The following KCNK2 variants were observed in gnomAD, a reference collection of about 807,000 sequenced individuals.
The protein encoded by KCNK2 is potassium channel subfamily K member 2.
In KCNK2, 21 loss-of-function variants were observed where a neutral mutation model predicts 40.5. The observed-to-expected ratio is 0.52, with a 90% CI of 0.37 to 0.75. The LOEUF (loss-of-function observed/expected upper bound fraction) is 0.75, where lower values mean the gene tolerates loss of function less well. KCNK2 is among the 30% of genes least tolerant of loss of function. The pLI, the probability that KCNK2 is intolerant of heterozygous loss-of-function variation, is 0.00. For missense variants in KCNK2, 399 were observed against 531.6 expected (o/e 0.75, Z 2.45); for synonymous variants, 191 against 202.2 (o/e 0.94, Z 0.47).
intron 1 of KCNK2, among the ~76,000 whole-genome samples, chr1:215,060,930 A>C (rs1396299956): frequency 6.6e-6 from 1 of 152,162 alleles, no homozygotes; most frequent in African/African-American, 2.4e-5. Flanking sequence ...TTTCTAAGTA[A>C]GTTTTCTGAT....
At chr1:215,142,926 T>A (rs1461448866) in intron 3 of KCNK2, among the ~76,000 whole-genome samples, 1 of 152,124 alleles carries the variant, frequency 6.6e-6, no homozygotes, top group Non-Finnish European at 1.5e-5. Context: ...TCTGAGGTAG[T>A]CATCATAGCT....
At chr1:215,013,426 T>G (rs1221310343) in intron 1 of KCNK2, among the ~76,000 whole-genome samples, 1 of 152,198 alleles carries the variant, frequency 6.6e-6, no homozygotes, top group Non-Finnish European at 1.5e-5. Flanking sequence ...AGGTCATTTA[T>G]CTTTCCACAC....
intron 5 of KCNK2, among the ~76,000 whole-genome samples, chr1:215,177,673 G>C (rs1558126523): frequency 6.9e-6 from 1 of 145,212 alleles, no homozygotes; most frequent in African/African-American, 2.5e-5. Flanking sequence ...TAGGTGTGTG[G>C]TTTATTTCTG....
At chr1:215,081,436 T>C (rs1212885768), upstream of KCNK2, among the ~76,000 whole-genome samples, 5 of 152,028 alleles carry the variant, frequency 3.3e-5, no homozygotes, top group Non-Finnish European at 7.4e-5. Flanking sequence ...AGCACATAAG[T>C]TGAGAAAAAT....
chr1:215,218,243 T>C (rs1403739973), intron 6 of KCNK2, among the ~76,000 whole-genome samples: 3 of 152,180 alleles, frequency 2.0e-5, no homozygotes, highest in Non-Finnish European at 4.4e-5. Flanking sequence ...GAGTGGATAT[T>C]GACCTACAGC....
At chr1:215,114,571 A>G (rs1224221976) in intron 2 of KCNK2, among the ~76,000 whole-genome samples, 3 of 152,172 alleles carry the variant, frequency 2.0e-5, no homozygotes, top group Non-Finnish European at 2.9e-5. Flanking sequence ...GGCGGGGGAA[A>G]CTTGGAAAAA....
Position 215,163,018 on chromosome 1 carries a change from C to A in KCNK2, c.476-6181C>A, listed in dbSNP as rs549297714. On this transcript the variant is annotated intron_variant, in intron 3 of 6. Coordinates refer to ENST00000444842, the MANE Select transcript of KCNK2 (RefSeq NM_001017425.3). ...CATTGAATCTATAAATTACTTTGGG[C>A]AGTATGGCCATTTTCACAATATTGA... 4.6e-5 allele frequency among the ~76,000 whole-genome samples: 7 copies of A among 152,186 alleles called. No individual in the cohort carries two copies. In the East Asian group the frequency reaches 1.2e-3, roughly 25 times the overall value.
At chr1:215,209,484 A>ATC (rs1558140327) in intron 6 of KCNK2, among the ~76,000 whole-genome samples, 1 of 35,258 alleles carries the variant, frequency 2.8e-5, no homozygotes, top group African/African-American at 1.1e-4. Context: ...TATTATATAT[A>ATC]ATACATATAT....
intron 6 of KCNK2, among the ~76,000 whole-genome samples, chr1:215,221,353 A>AAC (rs1247963827): frequency 6.6e-6 from 1 of 152,154 alleles, no homozygotes; most frequent in Admixed American, 6.5e-5. Flanking sequence ...CAGCCTGGGC[A>AAC]ACAGAGTGAG....
At chr1:215,181,626 G>A (rs1340380104) in intron 5 of KCNK2, among the ~76,000 whole-genome samples, 1 of 152,112 alleles carries the variant, frequency 6.6e-6, no homozygotes, top group African/African-American at 2.4e-5. Flanking sequence ...ATACTGGGCA[G>A]GGTATTTTGA....
chr1:215,185,165 A>G (rs1664384161), intron 5 of KCNK2, among the ~76,000 whole-genome samples: 1 of 152,180 alleles, frequency 6.6e-6, no homozygotes, highest in African/African-American at 2.4e-5. Flanking sequence ...AAATAATACA[A>G]ACTTATAGAA....
At chr1:215,044,827 GC>G (rs1657698259) in intron 1 of KCNK2, among the ~76,000 whole-genome samples, 2 of 6,604 alleles carry the variant, frequency 3.0e-4, no homozygotes, top group Non-Finnish European at 9.5e-4. Flanking sequence ...GTGTGTGTGT[GC>G]GCGCGCACAC....
intron 1 of KCNK2, among the ~76,000 whole-genome samples, chr1:215,027,467 C>A (rs2841598): frequency 0.44 from 66,776 of 151,822 alleles, 16,372 homozygotes; most frequent in Non-Finnish European, 0.55. Flanking sequence ...ATCAAATGTC[C>A]CTCCAACATC....
chr1:215,067,797 T>C (rs1340879023), intron 1 of KCNK2, among the ~76,000 whole-genome samples: 3 of 151,920 alleles, frequency 2.0e-5, no homozygotes, highest in South Asian at 2.1e-4. Context: ...ACCCAGGAAA[T>C]GGAGGTTGCA....
chr1:215,033,498 A>T (rs1214073702), intron 1 of KCNK2, among the ~76,000 whole-genome samples: 4 of 152,124 alleles, frequency 2.6e-5, no homozygotes, highest in African/African-American at 9.7e-5. Context: ...ATAGGCTTTT[A>T]GTAATGTGGT....
chr1:215,140,740 C>T (rs1045410901), intron 3 of KCNK2, among the ~76,000 whole-genome samples: 8 of 151,894 alleles, frequency 5.3e-5, no homozygotes, highest in African/African-American at 9.7e-5. Flanking sequence ...TTGTAAAGGC[C>T]GAGGACATTG....
At chr1:215,062,676 A>G (rs371097316) in intron 1 of KCNK2, among the ~76,000 whole-genome samples, 7 of 151,786 alleles carry the variant, frequency 4.6e-5, no homozygotes, top group South Asian at 2.1e-4. Context: ...AGTTAATTTC[A>G]TCACTATTGA....
At chr1:215,125,834 G>T (rs1324763047) in intron 3 of KCNK2, among the ~76,000 whole-genome samples, 1 of 148,390 alleles carries the variant, frequency 6.7e-6, no homozygotes, top group Non-Finnish European at 1.5e-5. Flanking sequence ...TGTGAGACTT[G>T]GGAAGGGTAA....
At chr1:215,086,270 C>G in intron 1 of KCNK2, 98 bp from the exon 2 acceptor site, 1 of 965,282 alleles carries the variant, frequency 1.0e-6, no homozygotes, top group Non-Finnish European at 1.6e-6. Flanking sequence ...GGAGAGCGAG[C>G]GGAATTCAAT....
Sources: allele counts gnomAD v4.1 joint callset (sites outside exome capture counted in the v4.1 genomes callset), GRCh38; gene constraint gnomAD v4.1.1; transcripts MANE v1.5; gene names NCBI Gene and HGNC (gene_info 2026-07-23, HGNC 2026-07-21).